Variants in ASIC2 observed in about 807,000 individuals in gnomAD.
ASIC2 encodes the protein acid sensing ion channel subunit 2.
ASIC2 carries 25 observed loss-of-function variants against 57.3 expected under a neutral mutation model. The ratio of observed to expected loss-of-function variants is 0.44; its 90% CI spans 0.32 to 0.61. The LOEUF (loss-of-function observed/expected upper bound fraction) is 0.61, where lower values mean the gene tolerates loss of function less well. Ranked by LOEUF, ASIC2 falls within the 20% of genes least tolerant of loss-of-function variation. The pLI, the probability that ASIC2 is intolerant of heterozygous loss-of-function variation, is 0.06. For missense variants in ASIC2, 641 were observed against 738.1 expected, an observed-to-expected ratio of 0.87 and a Z score of 1.52; for synonymous variants, 319 against 307.5, an observed-to-expected ratio of 1.04 and a Z score of -0.39.
chr17:34,115,427 G>A (rs1199107725), intron 1 of ASIC2, among the ~76,000 whole-genome samples: 1 of 152,070 alleles, frequency 6.6e-6, no homozygotes, highest in Non-Finnish European at 1.5e-5. Flanking sequence ...AATTCTTCCT[G>A]GGACTGGAGG....
intron 2 of ASIC2, among the ~76,000 whole-genome samples, chr17:33,110,650 G>A (rs2092254104): frequency 6.6e-6 from 1 of 152,192 alleles, no homozygotes; most frequent in Admixed American, 6.5e-5. Context: ...GGGGTGGTGG[G>A]AGAGATCCTG....
At chr17:34,045,360 G>A (rs1410377746) in intron 1 of ASIC2, among the ~76,000 whole-genome samples, 1 of 152,178 alleles carries the variant, frequency 6.6e-6, no homozygotes, top group African/African-American at 2.4e-5. Flanking sequence ...ACTTCTACAC[G>A]AATTAACACT....
At chr17:33,858,578 G>A (rs1036485000) in intron 1 of ASIC2, among the ~76,000 whole-genome samples, 11 of 152,244 alleles carry the variant, frequency 7.2e-5, no homozygotes, top group African/African-American at 2.7e-4. Context: ...GCAGTCAGGA[G>A]CCGCCAGCGG....
chr17:34,109,888 A>G (rs1202122205), intron 1 of ASIC2, among the ~76,000 whole-genome samples: 2 of 151,356 alleles, frequency 1.3e-5, no homozygotes, highest in African/African-American at 2.5e-5. Flanking sequence ...CTCTTTATCT[A>G]TCTATCGTGA....
At chr17:33,338,075 T>C (rs1907588623) in intron 1 of ASIC2, among the ~76,000 whole-genome samples, 1 of 151,986 alleles carries the variant, frequency 6.6e-6, no homozygotes, top group Non-Finnish European at 1.5e-5. Flanking sequence ...TGAGGTGTTC[T>C]GGCAGGGCAG....
intron 1 of ASIC2, among the ~76,000 whole-genome samples, chr17:33,447,129 C>G (rs1912052543): frequency 6.6e-6 from 1 of 152,174 alleles, no homozygotes; most frequent in African/African-American, 2.4e-5. Flanking sequence ...TTTCTGCCTG[C>G]CTTCGTGAGT....
At chr17:33,750,089 C>T (rs1239175559) in intron 1 of ASIC2, among the ~76,000 whole-genome samples, 1 of 152,158 alleles carries the variant, frequency 6.6e-6, no homozygotes, top group Non-Finnish European at 1.5e-5. Context: ...CATATCTATT[C>T]TGTGCCAGCC....
intron 1 of ASIC2, among the ~76,000 whole-genome samples, chr17:33,210,120 G>T (rs1227937302): frequency 2.0e-5 from 3 of 152,114 alleles, no homozygotes; most frequent in African/African-American, 7.2e-5. Context: ...TTTCTGAGTG[G>T]CCACTTTCCC....
At chr17:33,017,203 G>C (rs942400509) in intron 8 of ASIC2, among the ~76,000 whole-genome samples, 1 of 152,244 alleles carries the variant, frequency 6.6e-6, no homozygotes. Flanking sequence ...GGGCAGGTGT[G>C]TGTGGGTGGA....
chr17:33,901,833 C>T (rs1372422344), intron 1 of ASIC2, among the ~76,000 whole-genome samples: 1 of 152,118 alleles, frequency 6.6e-6, no homozygotes, highest in African/African-American at 2.4e-5. Flanking sequence ...ACTGCAATTC[C>T]AATCAGTAGT....
intron 1 of ASIC2, among the ~76,000 whole-genome samples, chr17:33,889,244 T>G (rs989947547): frequency 1.3e-5 from 2 of 152,148 alleles, no homozygotes; most frequent in Admixed American, 6.5e-5. Flanking sequence ...CCCCTCGTTT[T>G]TCAGATGAAG....
At chr17:33,356,341 C>A (rs1908371777) in intron 1 of ASIC2, among the ~76,000 whole-genome samples, 1 of 152,132 alleles carries the variant, frequency 6.6e-6, no homozygotes, top group African/African-American at 2.4e-5. Flanking sequence ...CAAGGAAGTT[C>A]TCCCAGTTGG....
rs532677154 is a variant in ASIC2, at chr17:33,625,583, A to G, written c.556-513516T>C. 9.8e-4 allele frequency among the ~76,000 whole-genome samples: 150 copies of G among 152,356 alleles called. 1 individual carries two copies. The highest frequency in any genetic ancestry group is 6.8e-3 in the Middle Eastern group (2 of 294). ...AGATTAATTTGCAACACAGAAATTG[A>G]TAACTAATACAGAAGAGAGATTAAA... On this transcript the variant is annotated intron_variant, in intron 1 of 9. Coordinates refer to the ASIC2 transcript ENST00000359872.
intron 1 of ASIC2, among the ~76,000 whole-genome samples, chr17:33,460,147 T>C (rs957043400): frequency 2.0e-5 from 3 of 152,222 alleles, no homozygotes; most frequent in Non-Finnish European, 4.4e-5. Flanking sequence ...GTGTCCAGAT[T>C]TGCTTTGGAG....
rs995848476 is a variant in ASIC2 at position 34,037,809 on chromosome 17, T to C, written c.555+118169A>G. ...CGAATCAACGCCTTTGCTTCAGGTG[T>C]TACTACCGGCTTTGGCGGGAACTGC... On this transcript the variant is annotated intron_variant, in intron 1 of 9. Transcript: ENST00000359872. The C allele has an allele frequency of 3.1e-6, 5 of 1,614,080 alleles. No homozygotes were observed. In the African/African-American group the frequency reaches 5.3e-5, roughly 17 times the overall value.
chr17:33,087,900 G>T (rs2092141220), intron 3 of ASIC2, among the ~76,000 whole-genome samples: 1 of 151,976 alleles, frequency 6.6e-6, no homozygotes, highest in Non-Finnish European at 1.5e-5. Flanking sequence ...TTATAAAATG[G>T]CTAAACAGCT....
At chr17:33,476,953 A>C (rs1913249931) in intron 1 of ASIC2, among the ~76,000 whole-genome samples, 1 of 152,074 alleles carries the variant, frequency 6.6e-6, no homozygotes, top group African/African-American at 2.4e-5. Flanking sequence ...TGGAGACCAA[A>C]AACAGTAGTC....
intron 1 of ASIC2, among the ~76,000 whole-genome samples, chr17:33,759,193 A>G (rs9892324): frequency 0.054 from 8,248 of 152,230 alleles, 702 homozygotes; most frequent in African/African-American, 0.18. Flanking sequence ...GGTATTGGAA[A>G]CTGGAGTAAA....
intron 1 of ASIC2, among the ~76,000 whole-genome samples, chr17:33,584,675 C>A (rs1904554696): frequency 7.7e-6 from 1 of 130,196 alleles, no homozygotes; most frequent in Non-Finnish European, 1.6e-5. Context: ...GCAGGAGATC[C>A]ATCTAAGTCA....
Sources: gnomAD v4.1 joint callset for allele counts (sites outside exome capture counted in the v4.1 genomes callset) on GRCh38, gnomAD v4.1.1 for gene constraint, MANE v1.5 for transcripts, NCBI Gene and HGNC (gene_info 2026-07-23, HGNC 2026-07-21) for gene names.